The following ALCAM variants were observed in gnomAD, a reference collection of about 807,000 sequenced individuals.
ALCAM encodes the protein CD166 antigen.
Under a neutral mutation model 70.9 loss-of-function variants are expected in ALCAM, and 30 were observed. The ratio of observed to expected loss-of-function variants is 0.42; its 90% CI spans 0.32 to 0.57. The LOEUF is 0.57. Among genes scored for constraint, ALCAM ranks in the 20% least tolerant of loss-of-function variants. The probability of loss-of-function intolerance (pLI) is 0.11; values close to 1 mark genes in which losing one functional copy is unlikely to be tolerated. For missense variants in ALCAM, 591 were observed against 695.1 expected (o/e 0.85, Z 1.68); for synonymous variants, 249 against 242.5 (o/e 1.03, Z -0.25).
intron 6 of ALCAM, among the ~76,000 whole-genome samples, chr3:105,537,527 C>T (rs1173996541): frequency 3.3e-5 from 5 of 152,144 alleles, no homozygotes; most frequent in African/African-American, 1.2e-4. Context: ...TGTCTCAACC[C>T]TCATCACTGC....
intron 1 of ALCAM, among the ~76,000 whole-genome samples, chr3:105,496,341 C>G (rs7631027): frequency 0.035 from 2,002 of 57,050 alleles, 35 homozygotes; most frequent in African/African-American, 0.14. Flanking sequence ...AAAGGACTAA[C>G]AGTCATTTCC....
chr3:105,403,759 A>C (rs1474164375), intron 1 of ALCAM, among the ~76,000 whole-genome samples: 1 of 152,042 alleles, frequency 6.6e-6, no homozygotes, highest in Non-Finnish European at 1.5e-5. Context: ...CCAGAAAAAG[A>C]ATTTAGAAGG....
At chr3:105,567,235 A>AT (rs1000940942) in intron 14 of ALCAM, among the ~76,000 whole-genome samples, 2 of 151,972 alleles carry the variant, frequency 1.3e-5, no homozygotes, top group Non-Finnish European at 2.9e-5. Flanking sequence ...TTCCTTTTGC[A>AT]TTTCCTCCTT....
intron 1 of ALCAM, among the ~76,000 whole-genome samples, chr3:105,459,030 C>T (rs1485373807): frequency 6.6e-6 from 1 of 152,148 alleles, no homozygotes; most frequent in African/African-American, 2.4e-5. Context: ...ATGTGTCATG[C>T]ATTGTGTTGG....
intron 14 of ALCAM, among the ~76,000 whole-genome samples, chr3:105,562,408 G>A (rs966709314): frequency 6.6e-6 from 1 of 151,992 alleles, no homozygotes; most frequent in Non-Finnish European, 1.5e-5. Context: ...TAATCATATT[G>A]TTTACTCTGT....
At chr3:105,392,404 G>C (rs1385094494) in intron 1 of ALCAM, among the ~76,000 whole-genome samples, 1 of 151,614 alleles carries the variant, frequency 6.6e-6, no homozygotes, top group African/African-American at 2.4e-5. Context: ...ATTTCTGTGG[G>C]TTCAGTGGTG....
chr3:105,372,052 A>G (rs1935250176), intron 1 of ALCAM, among the ~76,000 whole-genome samples: 1 of 152,100 alleles, frequency 6.6e-6, no homozygotes, highest in African/African-American at 2.4e-5. Flanking sequence ...TTATTTGGTT[A>G]TTACTTTTGG....
intron 1 of ALCAM, among the ~76,000 whole-genome samples, chr3:105,421,669 A>C (rs1936654048): frequency 6.6e-6 from 1 of 151,482 alleles, no homozygotes; most frequent in Non-Finnish European, 1.5e-5. Flanking sequence ...TGGCATTCAA[A>C]GTGGATCTCT....
chr3:105,380,618 A>T (rs1295696258), intron 1 of ALCAM, among the ~76,000 whole-genome samples: 6 of 151,928 alleles, frequency 3.9e-5, no homozygotes, highest in African/African-American at 1.4e-4. Flanking sequence ...AAGGAAAAAA[A>T]ATTCAATGAT....
chr3:105,554,092 G>A (rs969758665), intron 14 of ALCAM, among the ~76,000 whole-genome samples: 2 of 150,850 alleles, frequency 1.3e-5, no homozygotes, highest in South Asian at 2.1e-4. Flanking sequence ...ACCAGTAGAG[G>A]GTGTGTGTGT....
At chr3:105,550,348 C>G in intron 12 of ALCAM, 89 bp downstream of exon 12, 2 of 1,276,498 alleles carry the variant, frequency 1.6e-6, no homozygotes. Context: ...TCTTCCTGTA[C>G]TGCATTATGG....
chr3:105,448,623 T>C (rs911426687), intron 1 of ALCAM, among the ~76,000 whole-genome samples: 1 of 152,182 alleles, frequency 6.6e-6, no homozygotes, highest in Non-Finnish European at 1.5e-5. Context: ...CTTAAATTTC[T>C]GTAAGAAAGT....
intron 1 of ALCAM, among the ~76,000 whole-genome samples, chr3:105,451,205 C>G (rs868788048): frequency 6.6e-6 from 1 of 150,842 alleles, no homozygotes; most frequent in Non-Finnish European, 1.5e-5. Context: ...TCAAGACCAG[C>G]CTGGACAATA....
At chr3:105,539,831 A>T (rs974549587) in intron 6 of ALCAM, 144 bp from the exon 7 acceptor site, 3 of 741,938 alleles carry the variant, frequency 4.0e-6, no homozygotes, top group African/African-American at 3.6e-5. Flanking sequence ...ATTAGCTTCA[A>T]TCCTTCTATA....
chr3:105,555,803 A>C (rs1257591360), intron 14 of ALCAM, among the ~76,000 whole-genome samples: 1 of 151,892 alleles, frequency 6.6e-6, no homozygotes, highest in African/African-American at 2.4e-5. Flanking sequence ...TTCTTTTCCC[A>C]TTGTGAAATG....
At chr3:105,404,849 C>T (rs1162500547) in intron 1 of ALCAM, among the ~76,000 whole-genome samples, 1 of 152,094 alleles carries the variant, frequency 6.6e-6, no homozygotes, top group Non-Finnish European at 1.5e-5. Flanking sequence ...GGAGACTCAC[C>T]TAACACATAA....
intron 1 of ALCAM, among the ~76,000 whole-genome samples, chr3:105,431,529 T>TA (rs1380203087): frequency 1.3e-5 from 2 of 151,968 alleles, no homozygotes; most frequent in Non-Finnish European, 2.9e-5. Flanking sequence ...TTGCTATCCT[T>TA]ACAGTGGCCA....
intron 1 of ALCAM, among the ~76,000 whole-genome samples, chr3:105,461,580 A>G (rs1007444566): frequency 4.6e-5 from 7 of 151,814 alleles, no homozygotes; most frequent in African/African-American, 1.7e-4. Context: ...AATTATGTGA[A>G]GAAGTGGGGC....
chr3:105,488,836 G>T (rs1576196833), intron 1 of ALCAM, among the ~76,000 whole-genome samples: 1 of 152,138 alleles, frequency 6.6e-6, no homozygotes, highest in Admixed American at 6.5e-5. Flanking sequence ...TGGTAAACGG[G>T]TCGATTCACC....
Sources: allele counts gnomAD v4.1 joint callset (sites outside exome capture counted in the v4.1 genomes callset), GRCh38; gene constraint gnomAD v4.1.1; transcripts MANE v1.5; gene names NCBI Gene and HGNC (gene_info 2026-07-23, HGNC 2026-07-21).